RAVER1: variants seen among roughly 807,000 people sequenced by gnomAD.
The protein encoded by RAVER1 is ribonucleoprotein, PTB binding 1, also known as ribonucleoprotein PTB-binding 1.
A neutral mutation model predicts 68.4 loss-of-function variants in RAVER1; 36 were observed. That is an observed-to-expected ratio of 0.53 (90% CI 0.40 to 0.70). The LOEUF (loss-of-function observed/expected upper bound fraction) is 0.70. Ranked by LOEUF, RAVER1 falls within the 30% of genes least tolerant of loss-of-function variation. The probability of loss-of-function intolerance (pLI) is 0.00; values close to 1 mark genes in which losing one functional copy is unlikely to be tolerated. For synonymous variants in RAVER1, 469 were observed against 472.7 expected (o/e 0.99, Z 0.10); for missense variants, 933 against 1,019.8 (o/e 0.91, Z 1.16).
At chr19:10,320,994 G>A in intron 8 of RAVER1, 43 bp from the exon 9 acceptor site, 1 of 1,481,698 alleles carries the variant, frequency 6.7e-7, no homozygotes, top group Non-Finnish European at 8.9e-7. Flanking sequence ...CCGGGAGAGG[G>A]AACCCTGCGG....
chr19:10,333,412 C>T lies in RAVER1; in HGVS notation c.96G>A (p.Pro32=), dbSNP rs1346717615. The T allele has an allele frequency of 1.1e-5, 18 of 1,613,544 alleles. No individual in the cohort carries two copies. Among genetic ancestry groups the T allele is most frequent in the Non-Finnish European group, 1.5e-5 (18 of 1,179,806 alleles). The change falls in exon 1 of 13, where the codon CCG becomes CCA. Residue 32 remains proline (P), a synonymous_variant. Transcript: ENST00000617231. This position sits in a 1 kb window ranked among gnomAD's most constrained non-coding sequence, Gnocchi z 4.2. The part of the protein sequence containing the change: ...EAGDAAERRA[P]EEELPPLDPE... The stretch of plus-strand genomic sequence containing the variant: ...GATCTAGAGGCGGCAGCTCTTCTTC[C>T]GGCGCCCGGCGCTCCGCGGCATCGC...
At position 10,317,844 on chromosome 19, in the gene RAVER1, C is replaced by T. The variant is rs977423291; in HGVS notation, c.1990-71G>A. ...AGGAAGCACCCACCCCGCCCCCCTGCCACTGCCCCCCAGCCCTGAGGGAAA... is the reference window on the plus strand; with the variant it reads ...AGGAAGCACCCACCCCGCCCCCCTGTCACTGCCCCCCAGCCCTGAGGGAAA... On this transcript the variant is annotated intron_variant, in intron 11 of 12. Transcript: ENST00000617231. The surrounding 1 kb of genome is among the most constrained non-coding windows in gnomAD (Gnocchi z 4.3). The T allele has an allele frequency of 1.5e-5, 13 of 840,632 alleles. No individual in the cohort carries two copies. Among genetic ancestry groups the T allele is most frequent in the Non-Finnish European group, 2.4e-5 (12 of 505,040 alleles). 52.1% of individuals were successfully genotyped at this position (840,632 alleles called of 1,614,324 possible).
chr19:10,329,171 C>T lies in RAVER1; in HGVS notation c.287-60G>A. ...GGCCCTGAGGGCCTGCCCCTCCACC[C>T]CGCCACCCTGCAAACCAGGTGGGAC... On this transcript the variant is annotated intron_variant, in intron 2 of 12. Coordinates refer to ENST00000617231, the MANE Select transcript of RAVER1 (RefSeq NM_133452.3). This position sits in a 1 kb window ranked among gnomAD's most constrained non-coding sequence, Gnocchi z 4.6. 9.2e-7 allele frequency: 1 copy of T among 1,085,568 alleles called. No individual in the cohort carries two copies. The highest frequency in any genetic ancestry group is 1.3e-6 in the Non-Finnish European group (1 of 769,352). 67.2% of individuals were successfully genotyped at this position (1,085,568 alleles called of 1,614,324 possible).
In RAVER1 at chr19:10,322,856, G is replaced by A. The variant is rs2040448412; in HGVS notation, c.1079-117C>T. On this transcript the variant is annotated intron_variant, in intron 5 of 12. Coordinates refer to ENST00000617231, the MANE Select transcript of RAVER1 (RefSeq NM_133452.3). The surrounding 1 kb of genome is among the most constrained non-coding windows in gnomAD (Gnocchi z 4.3). ...GAAACTGACACTCTGGGGCCGGGGGGTGGGCAGTGGACTTGCCCAAAGGAA... is the reference window on the plus strand; with the variant it reads ...GAAACTGACACTCTGGGGCCGGGGGATGGGCAGTGGACTTGCCCAAAGGAA... 3 of 605,494 alleles carry A rather than the reference G, an allele frequency of 5.0e-6. No individual in the cohort carries two copies. The highest frequency in any genetic ancestry group is 8.2e-6 in the Non-Finnish European group (3 of 363,784). The allele number at this position is 605,494 out of a possible 1,614,324, so 37.5% of individuals were successfully genotyped here.
At position 10,317,698 on chromosome 19, in the gene RAVER1, G is replaced by A. The variant is rs1216282810; in HGVS notation, c.2065C>T (p.Leu689=). The A allele has an allele frequency of 2.5e-6, 4 of 1,588,026 alleles. No individual in the cohort carries two copies. Among genetic ancestry groups the A allele is most frequent in the Non-Finnish European group, 2.6e-6 (3 of 1,167,556 alleles). ...CCACCCCCTGCCCGTACCTTCAGCA[G>A]GTGGCTGTGACCATTAGGCCCGGGG... ...LSPGPNGHSH[L]LKTPLGGQKR... Residue 689 remains leucine (L), a synonymous_variant, in exon 12 of 13, where the codon CTG becomes TTG. Transcript: ENST00000617231. The surrounding 1 kb of genome is among the most constrained non-coding windows in gnomAD (Gnocchi z 4.3).
intron 9 of RAVER1, 29 bp from the exon 10 acceptor site, chr19:10,319,269 G>A (rs767828068): frequency 2.5e-6 from 4 of 1,607,682 alleles, no homozygotes; most frequent in Non-Finnish European, 2.6e-6. Flanking sequence ...AGCACATTGG[G>A]TTGGAGTCTG....
At chr19:10,327,215 G>A (rs2040481942) in intron 3 of RAVER1, among the ~76,000 whole-genome samples, 1 of 151,874 alleles carries the variant, frequency 6.6e-6, no homozygotes, top group Non-Finnish European at 1.5e-5. Context: ...TACACGAGAG[G>A]GACCCACTCA....
intron 9 of RAVER1, among the ~76,000 whole-genome samples, 154 bp downstream of exon 9, chr19:10,320,499 GTC>G (rs2040427755): frequency 7.4e-6 from 1 of 135,114 alleles, no homozygotes; most frequent in African/African-American, 2.8e-5. Context: ...GGGAGACCCT[GTC>G]TCTAAAAAAA....
In RAVER1 at chr19:10,329,667, C is replaced by T. The variant is rs2040499968; in HGVS notation, c.287-556G>A. 6.6e-6 allele frequency among the ~76,000 whole-genome samples: 1 copy of T among 152,172 alleles called. No homozygotes were observed. Among genetic ancestry groups the T allele is most frequent in the East Asian group, 1.9e-4 (1 of 5,192 alleles). On this transcript the variant is annotated intron_variant, in intron 2 of 12. Transcript: ENST00000617231. This position sits in a 1 kb window ranked among gnomAD's most constrained non-coding sequence, Gnocchi z 4.6. The stretch of plus-strand genomic sequence containing the variant: ...CTGCCACCTTTCCAGGCCACCAGTG[C>T]CCCTGAACCCTGCTGCCACGTGCTG...
intron 3 of RAVER1, among the ~76,000 whole-genome samples, chr19:10,327,047 T>G (rs891698825): frequency 2.0e-5 from 3 of 151,260 alleles, no homozygotes; most frequent in Non-Finnish European, 4.4e-5. Context: ...TGGGATTACA[T>G]GCATGAGCCA....
At position 10,328,199 on chromosome 19, in the gene RAVER1, G is replaced by C. The variant is rs2040488579; in HGVS notation, c.756+443C>G. ...GAGGTGAGTGGTGAGCAAGCCTCGAGATCCATAGTTACAAGAGTGGCCTTG... is the reference window on the plus strand; with the variant it reads ...GAGGTGAGTGGTGAGCAAGCCTCGACATCCATAGTTACAAGAGTGGCCTTG... On this transcript the variant is annotated intron_variant, in intron 3 of 12. Coordinates refer to ENST00000617231, the MANE Select transcript of RAVER1 (RefSeq NM_133452.3). The surrounding 1 kb of genome is among the most constrained non-coding windows in gnomAD (Gnocchi z 4.4). Among the ~76,000 whole-genome samples, 3 of 152,164 alleles carry C rather than the reference G, an allele frequency of 2.0e-5. No homozygotes were observed. In the South Asian group the frequency reaches 6.2e-4, roughly 32 times the overall value.
In RAVER1 at chr19:10,317,887, C is replaced by A; in HGVS notation, c.1990-114G>T. 1 of 678,844 alleles carries A rather than the reference C, an allele frequency of 1.5e-6. No individual in the cohort carries two copies. The highest frequency in any genetic ancestry group is 1.6e-5 in the South Asian group (1 of 60,968). The allele number at this position is 678,844 out of a possible 1,614,324, so 42.1% of individuals were successfully genotyped here. Reference sequence around the variant, plus strand: ...GAGGGAAAGCGAACAGTTTCAGGTTCAAATCTTGCTTCTGCTACTTTCTAG... The same window carrying A: ...GAGGGAAAGCGAACAGTTTCAGGTTAAAATCTTGCTTCTGCTACTTTCTAG... On this transcript the variant is annotated intron_variant, in intron 11 of 12. Coordinates refer to ENST00000617231, the MANE Select transcript of RAVER1 (RefSeq NM_133452.3). This position sits in a 1 kb window ranked among gnomAD's most constrained non-coding sequence, Gnocchi z 4.3.
chr19:10,332,553 A>T (rs1315809528), intron 1 of RAVER1, among the ~76,000 whole-genome samples: 1 of 152,220 alleles, frequency 6.6e-6, no homozygotes, highest in African/African-American at 2.4e-5. Flanking sequence ...GAATCTCAGC[A>T]GCAGGAAGCG....
At chr19:10,324,479 A>G (rs1409929153) in intron 3 of RAVER1, among the ~76,000 whole-genome samples, 1 of 152,130 alleles carries the variant, frequency 6.6e-6, no homozygotes, top group African/African-American at 2.4e-5. Context: ...TCCTGGGTTC[A>G]AGTGATTCTC....
At chr19:10,327,699 C>A (rs1179284718) in intron 3 of RAVER1, among the ~76,000 whole-genome samples, 1 of 152,170 alleles carries the variant, frequency 6.6e-6, no homozygotes, top group Non-Finnish European at 1.5e-5. Context: ...CCTTGGTATC[C>A]TCACCTGAAA....
In RAVER1 at chr19:10,333,189, A is replaced by C. The variant is rs2040536333; in HGVS notation, c.219+100T>G. On this transcript the variant is annotated intron_variant, in intron 1 of 12. Coordinates refer to ENST00000617231, the MANE Select transcript of RAVER1 (RefSeq NM_133452.3). This position sits in a 1 kb window ranked among gnomAD's most constrained non-coding sequence, Gnocchi z 4.2. ...GATCCGGTGCTTGGGCGCCCCCGCC[A>C]ACGACCCCCGCGCACCTCAGCGTTG... is the stretch of plus-strand genomic sequence containing the variant. The C allele has an allele frequency of 5.8e-6, 7 of 1,213,794 alleles. No individual in the cohort carries two copies. Among genetic ancestry groups the C allele is most frequent in the South Asian group, 4.6e-5 (3 of 64,806 alleles). 75.2% of individuals were successfully genotyped at this position (1,213,794 alleles called of 1,614,324 possible).
At position 10,328,134 on chromosome 19, in the gene RAVER1, G is replaced by A. The variant is rs1307198126; in HGVS notation, c.756+508C>T. ...CTCCTCAATGCCTGGTCCAGGTCTGGGACCCCATGGGAGGTTTGACGAGGG... is the reference window on the plus strand; with the variant it reads ...CTCCTCAATGCCTGGTCCAGGTCTGAGACCCCATGGGAGGTTTGACGAGGG... On this transcript the variant is annotated intron_variant, in intron 3 of 12. Transcript: ENST00000617231. The surrounding 1 kb of genome is among the most constrained non-coding windows in gnomAD (Gnocchi z 4.4). 6.6e-6 allele frequency among the ~76,000 whole-genome samples: 1 copy of A among 152,114 alleles called. No individual in the cohort carries two copies. Among genetic ancestry groups the A allele is most frequent in the South Asian group, 2.1e-4 (1 of 4,826 alleles).
At chr19:10,327,843 T>C (rs1457575327) in intron 3 of RAVER1, among the ~76,000 whole-genome samples, 2 of 152,130 alleles carry the variant, frequency 1.3e-5, no homozygotes, top group Non-Finnish European at 2.9e-5. Context: ...TGGGGGCTCT[T>C]AGAGAGTGAG....
intron 1 of RAVER1, 62 bp from the exon 2 acceptor site, chr19:10,330,588 C>A (rs372747146): frequency 1.3e-6 from 1 of 749,938 alleles, no homozygotes; most frequent in African/African-American, 1.7e-5. Context: ...AACCCAGTGC[C>A]GCTTCATAGC....
Sources: allele counts gnomAD v4.1 joint callset (sites outside exome capture counted in the v4.1 genomes callset), GRCh38; gene constraint gnomAD v4.1.1; non-coding constraint Gnocchi (gnomAD v3.1); transcripts MANE v1.5; gene names NCBI Gene and HGNC (gene_info 2026-07-23, HGNC 2026-07-21).